Variants in PLEKHA4 observed in about 807,000 individuals in gnomAD.
PLEKHA4 encodes pleckstrin homology domain containing A4.
Under a neutral mutation model 94.7 loss-of-function variants are expected in PLEKHA4, and 73 were observed. That is an observed-to-expected ratio of 0.77 (90% CI 0.64 to 0.94). The LOEUF (loss-of-function observed/expected upper bound fraction) is 0.94, where lower values mean the gene tolerates loss of function less well. Ranked by LOEUF, PLEKHA4 falls within the 40% of genes least tolerant of loss-of-function variation. PLEKHA4 has a pLI of 0.00. For missense variants in PLEKHA4, 1,049 were observed against 1,054.1 expected, an observed-to-expected ratio of 1.00 and a Z score of 0.07; for synonymous variants, 449 against 437.1, an observed-to-expected ratio of 1.03 and a Z score of -0.34.
intron 13 of PLEKHA4, among the ~76,000 whole-genome samples, chr19:48,851,406 C>T (rs550005009): frequency 2.0e-5 from 3 of 151,666 alleles, no homozygotes; most frequent in African/African-American, 7.3e-5. Context: ...CACCTGAGGT[C>T]GGGAATTCAA....
At position 48,858,932 on chromosome 19, in the gene PLEKHA4, T is replaced by C. The variant is rs1423669492; in HGVS notation, c.900A>G (p.Gly300=). ...TTCCTCCCCCAGCCTCAGAGGGAGGTCCTCGGCGGGGAGTAGGGGGTCGGG... is the reference window on the plus strand; with the variant it reads ...TTCCTCCCCCAGCCTCAGAGGGAGGCCCTCGGCGGGGAGTAGGGGGTCGGG... ...TLSRPPTPRR[G]PPSEAGGGKP... Residue 300 remains glycine (G), a synonymous_variant, in exon 8 of 20, where the codon GGA becomes GGG. Transcript: ENST00000263265. The C allele has an allele frequency of 6.3e-7, 1 of 1,599,342 alleles. No homozygotes were observed. Among genetic ancestry groups the C allele is most frequent in the Non-Finnish European group, 8.5e-7 (1 of 1,175,654 alleles).
Position 48,867,505 on chromosome 19 carries a change from C to G in PLEKHA4, c.84+32G>C, listed in dbSNP as rs1211140371. The G allele has an allele frequency of 6.4e-7, 1 of 1,569,020 alleles. No homozygotes were observed. The highest frequency in any genetic ancestry group is 1.2e-5 in the South Asian group (1 of 85,340). The stretch of plus-strand genomic sequence containing the variant: ...AAGGATGGGCGGCCCAGAGCCCCAC[C>G]TTCCTCCCCATCCCCGCCAGGAAGC... On this transcript the variant is annotated intron_variant, in intron 2 of 19. Transcript: ENST00000263265. This position sits in a 1 kb window ranked among gnomAD's most constrained non-coding sequence, Gnocchi z 4.7.
chr19:48,868,315 C>G lies in PLEKHA4; in HGVS notation c.-239G>C, dbSNP rs1174208164. 6.6e-6 allele frequency: 1 copy of G among 152,272 alleles called. No individual in the cohort carries two copies. The highest frequency in any genetic ancestry group is 1.5e-5 in the Non-Finnish European group (1 of 68,178). 9.4% of individuals were successfully genotyped at this position (152,272 alleles called of 1,614,324 possible). ...CCCCACTCTCACTTTCTGTGTCTCC[C>G]TCTGATCTCTGTCTCTTCCAGTCTC... On this transcript the variant is annotated 5_prime_UTR_variant, in exon 1 of 20. Transcript: ENST00000263265.
At chr19:48,847,561 G>A (rs528641015) in intron 14 of PLEKHA4, among the ~76,000 whole-genome samples, 4 of 152,212 alleles carry the variant, frequency 2.6e-5, no homozygotes, top group African/African-American at 9.6e-5. Flanking sequence ...GTGAAACTCC[G>A]TTTCTACTAA....
At chr19:48,845,871 C>T (rs1000244107) in intron 14 of PLEKHA4, among the ~76,000 whole-genome samples, 19 of 151,448 alleles carry the variant, frequency 1.3e-4, no homozygotes, top group Admixed American at 8.6e-4. Flanking sequence ...ATTAGCTGGG[C>T]GTGGTGGCAG....
intron 3 of PLEKHA4, among the ~76,000 whole-genome samples, chr19:48,862,106 C>T (rs2123149045): frequency 6.6e-6 from 1 of 151,760 alleles, no homozygotes; most frequent in South Asian, 2.1e-4. Context: ...GAGACAGAGA[C>T]ACATGTTTGG....
Position 48,859,112 on chromosome 19 carries a change from G to A in PLEKHA4, c.720C>T (p.Pro240=). Reference sequence around the variant, plus strand: ...GGGGACGGGGGAGGCTCAGAGGCGAGGGAGGGCGAGAGAGGGGGGTGAACA... The same window carrying A: ...GGGGACGGGGGAGGCTCAGAGGCGAAGGAGGGCGAGAGAGGGGGGTGAACA... The part of the protein sequence containing the change: ...PDLFTPLSRP[P]SPLSLPRPRS... The change falls in exon 8 of 20, where the codon CCC becomes CCT. Residue 240 remains proline, a synonymous_variant. Coordinates refer to ENST00000263265, the MANE Select transcript of PLEKHA4 (RefSeq NM_020904.3). 2.0e-6 allele frequency: 3 copies of A among 1,514,030 alleles called. No individual in the cohort carries two copies. The highest frequency in any genetic ancestry group is 2.5e-5 in the South Asian group (2 of 81,408). The allele number at this position is 1,514,030 out of a possible 1,614,324, so 93.8% of individuals were successfully genotyped here. A position where few individuals can be genotyped will look rare whatever the true frequency, so the allele number is the denominator to read the frequency against.
intron 6 of PLEKHA4, 114 bp downstream of exon 6, chr19:48,860,236 C>T (rs2036581850): frequency 3.5e-6 from 3 of 866,576 alleles, no homozygotes; most frequent in Non-Finnish European, 5.5e-6. Flanking sequence ...GGCGCCTTAG[C>T]TAGAAGACTG....
At chr19:48,861,313 T>C (rs2036629340) in intron 5 of PLEKHA4, 88 bp downstream of exon 5, 3 of 1,090,034 alleles carry the variant, frequency 2.8e-6, no homozygotes, top group Non-Finnish European at 4.2e-6. Flanking sequence ...CAGTGCTTGT[T>C]AGGACTTGGA....
In PLEKHA4 at chr19:48,837,389, G is replaced by T. The variant is rs1392659246; in HGVS notation, c.2240C>A (p.Pro747His). ...RGSGRGGGPT[P>H]WGPAWDAGIA... ...CCCGGCATCCCACGCGGGCCCCCAG[G>T]GGGTGGGACCTCCTCCACGCCCACT... is the stretch of plus-strand genomic sequence containing the variant. Residue 747 changes from proline to histidine, a missense_variant, in exon 20 of 20, where the codon CCC becomes CAC. Transcript: ENST00000263265. This position sits in a 1 kb window ranked among gnomAD's most constrained non-coding sequence, Gnocchi z 4.3. 6 of 1,613,602 alleles carry T rather than the reference G, an allele frequency of 3.7e-6. No homozygotes were observed. Among genetic ancestry groups the T allele is most frequent in the African/African-American group, 1.3e-5 (1 of 74,916 alleles).
At chr19:48,861,256 T>A in intron 5 of PLEKHA4, 145 bp downstream of exon 5, 1 of 751,562 alleles carries the variant, frequency 1.3e-6, no homozygotes, top group Non-Finnish European at 2.3e-6. Context: ...AAAACGAGGA[T>A]GCAATTGACG....
At chr19:48,857,800 C>G (rs974781698) in intron 8 of PLEKHA4, among the ~76,000 whole-genome samples, 4 of 150,984 alleles carry the variant, frequency 2.6e-5, no homozygotes, top group Non-Finnish European at 5.9e-5. Context: ...GGTCCTCTGC[C>G]TAGGAAAACC....
intron 9 of PLEKHA4, among the ~76,000 whole-genome samples, chr19:48,855,684 G>A (rs922583415): frequency 6.6e-6 from 1 of 151,962 alleles, no homozygotes; most frequent in Non-Finnish European, 1.5e-5. Flanking sequence ...AGCTACTAGG[G>A]AGGCTGAGGT....
chr19:48,856,898 C>CAAAAAAAA lies in PLEKHA4; in HGVS notation c.1047+516_1047+523dup, dbSNP rs1315657736. On this transcript the variant is annotated intron_variant, in intron 9 of 19. Coordinates refer to ENST00000263265, the MANE Select transcript of PLEKHA4 (RefSeq NM_020904.3). ...TGGGCGACAGAGAGAGACCCCGTCT[C>CAAAAAAAA]AAAAAAAAAAAAAAAAAAGAAAGAA... 7.5e-3 allele frequency among the ~76,000 whole-genome samples: 266 copies of CAAAAAAAA among 35,408 alleles called. 11 individuals carry two copies. The highest frequency in any genetic ancestry group is 0.016 in the African/African-American group (96 of 6,138). 23.2% of individuals were successfully genotyped at this position (35,408 alleles called of 152,430 possible).
chr19:48,848,293 C>T (rs1012444170), intron 13 of PLEKHA4, among the ~76,000 whole-genome samples: 12 of 150,560 alleles, frequency 8.0e-5, no homozygotes, highest in East Asian at 2.0e-4. Context: ...GAGACCATCC[C>T]GGCTAAAACG....
At chr19:48,861,825 G>T in intron 3 of PLEKHA4, 133 bp from the exon 4 acceptor site, 2 of 833,044 alleles carry the variant, frequency 2.4e-6, no homozygotes, top group Non-Finnish European at 3.9e-6. Context: ...ATAAAGTAGG[G>T]ATCAAGAGAG....
At position 48,848,295 on chromosome 19, in the gene PLEKHA4, G is replaced by T. The variant is rs1273405047; in HGVS notation, c.1426-255C>A. 2.7e-5 allele frequency among the ~76,000 whole-genome samples: 4 copies of T among 149,010 alleles called. No homozygotes were observed. In the Admixed American group the frequency reaches 2.7e-4, roughly 10 times the overall value. ...AGGTCAGGAGATCGAGACCATCCCG[G>T]CTAAAACGGTGAAACCCCGTCTCTA... On this transcript the variant is annotated intron_variant, in intron 13 of 19. Coordinates refer to ENST00000263265, the MANE Select transcript of PLEKHA4 (RefSeq NM_020904.3).
At chr19:48,841,082 G>C in intron 17 of PLEKHA4, 67 bp downstream of exon 17, 1 of 1,442,224 alleles carries the variant, frequency 6.9e-7, no homozygotes, top group Admixed American at 2.2e-5. Context: ...TTACAGAAAG[G>C]GACTCAAAGT....
At chr19:48,864,005 T>C (rs1022027020) in intron 3 of PLEKHA4, among the ~76,000 whole-genome samples, 2 of 152,134 alleles carry the variant, frequency 1.3e-5, no homozygotes, top group Non-Finnish European at 2.9e-5. Context: ...ACCTCATCAT[T>C]TGCCTTTCTA....
Sources: allele counts gnomAD v4.1 joint callset (sites outside exome capture counted in the v4.1 genomes callset), GRCh38; gene constraint gnomAD v4.1.1; non-coding constraint Gnocchi (gnomAD v3.1); transcripts MANE v1.5; gene names NCBI Gene and HGNC (gene_info 2026-07-23, HGNC 2026-07-21).